CCSER1: variants seen among roughly 807,000 people sequenced by gnomAD.
The protein encoded by CCSER1 is serine-rich coiled-coil domain-containing protein 1.
Under a neutral mutation model 82.0 loss-of-function variants are expected in CCSER1, and 41 were observed. The ratio of observed to expected loss-of-function variants is 0.50; its 90% CI spans 0.39 to 0.65. The LOEUF is 0.65. CCSER1 is among the 30% of genes least tolerant of loss of function. The probability of loss-of-function intolerance (pLI) is 0.00; values close to 1 mark genes in which losing one functional copy is unlikely to be tolerated. For synonymous variants in CCSER1, 414 were observed against 383.9 expected (o/e 1.08, Z -0.92); for missense variants, 1,119 against 1,064.2 (o/e 1.05, Z -0.72).
chr4:90,541,373 CT>C (rs1776085158), intron 5 of CCSER1, among the ~76,000 whole-genome samples: 1 of 152,070 alleles, frequency 6.6e-6, no homozygotes, highest in African/African-American at 2.4e-5. Flanking sequence ...TCAAAGTCAG[CT>C]TTTCTCTGCC....
chr4:91,159,460 A>G (rs992406443), intron 10 of CCSER1, among the ~76,000 whole-genome samples: 1 of 152,004 alleles, frequency 6.6e-6, no homozygotes, highest in African/African-American at 2.4e-5. Context: ...ACAAGATGGC[A>G]TTATGTCTGT....
At chr4:90,187,080 C>T (rs906939521) in intron 1 of CCSER1, among the ~76,000 whole-genome samples, 5 of 151,868 alleles carry the variant, frequency 3.3e-5, no homozygotes, top group African/African-American at 1.2e-4. Context: ...AAAATGTTTG[C>T]ATTTTAAAAG....
At chr4:90,861,579 A>G (rs564708802) in intron 8 of CCSER1, among the ~76,000 whole-genome samples, 17 of 151,884 alleles carry the variant, frequency 1.1e-4, no homozygotes, top group African/African-American at 3.4e-4. Context: ...CTTGCTTTTA[A>G]CGAATTAGTA....
intron 10 of CCSER1, among the ~76,000 whole-genome samples, chr4:91,340,457 T>C (rs1027393846): frequency 3.3e-5 from 5 of 152,208 alleles, no homozygotes; most frequent in African/African-American, 1.2e-4. Context: ...TAGAGGCTAG[T>C]TGACAAAAAC....
intron 5 of CCSER1, among the ~76,000 whole-genome samples, chr4:90,602,248 C>G (rs1049868112): frequency 6.6e-6 from 1 of 152,014 alleles, no homozygotes; most frequent in Non-Finnish European, 1.5e-5. Flanking sequence ...ACTAACAACC[C>G]CCTTTTTCAA....
At chr4:91,320,580 T>C (rs1746128790) in intron 10 of CCSER1, among the ~76,000 whole-genome samples, 1 of 152,102 alleles carries the variant, frequency 6.6e-6, no homozygotes, top group Admixed American at 6.6e-5. Flanking sequence ...AGAAGAGTGC[T>C]GTCATTTCCT....
At chr4:91,355,858 C>T (rs113278170) in intron 10 of CCSER1, among the ~76,000 whole-genome samples, 2,984 of 152,206 alleles carry the variant, frequency 0.02, 88 homozygotes, top group African/African-American at 0.066. Flanking sequence ...GAGTCTAACA[C>T]CTCTACACAG....
chr4:90,780,687 AAG>A, intron 7 of CCSER1: 3 of 1,320,880 alleles, frequency 2.3e-6, no homozygotes, highest in Non-Finnish European at 2.9e-6. Flanking sequence ...GAGGCTCTGT[AAG>A]CAAGACAAAC....
At chr4:90,582,783 C>T (rs574953366) in intron 5 of CCSER1, among the ~76,000 whole-genome samples, 1 of 152,212 alleles carries the variant, frequency 6.6e-6, no homozygotes, top group African/African-American at 2.4e-5. Context: ...TGATGATTAC[C>T]TTCACACTTT....
At chr4:91,521,805 A>C (rs562693240) in intron 10 of CCSER1, among the ~76,000 whole-genome samples, 1 of 152,188 alleles carries the variant, frequency 6.6e-6, no homozygotes, top group Non-Finnish European at 1.5e-5. Context: ...GGCAGATTGC[A>C]AAAATTTTCT....
intron 9 of CCSER1, among the ~76,000 whole-genome samples, chr4:91,011,999 C>A (rs1231797928): frequency 7.4e-6 from 1 of 134,526 alleles, no homozygotes; most frequent in African/African-American, 2.5e-5. Context: ...AATTGTTTGA[C>A]CTTTTGGGTA....
intron 1 of CCSER1, among the ~76,000 whole-genome samples, chr4:90,268,267 TGTG>T (rs1489877205): frequency 5.9e-5 from 9 of 152,106 alleles, no homozygotes; most frequent in Admixed American, 3.9e-4. Flanking sequence ...ATGTTGTAAT[TGTG>T]GTGTGTAAAG....
At chr4:91,558,562 A>G (rs1165884542) in intron 10 of CCSER1, among the ~76,000 whole-genome samples, 6 of 151,552 alleles carry the variant, frequency 4.0e-5, no homozygotes, top group Non-Finnish European at 7.4e-5. Context: ...ATAAAGGCAT[A>G]CCTGAGACTG....
chr4:90,618,278 C>T (rs1721669835), intron 5 of CCSER1, among the ~76,000 whole-genome samples: 1 of 151,890 alleles, frequency 6.6e-6, no homozygotes, highest in Non-Finnish European at 1.5e-5. Context: ...TTAGGTATTA[C>T]CTTTATGCCA....
chr4:90,182,605 A>G (rs187203955), intron 1 of CCSER1, among the ~76,000 whole-genome samples: 4 of 152,304 alleles, frequency 2.6e-5, no homozygotes, highest in Admixed American at 2.0e-4. Context: ...ACTAATTATT[A>G]AAGCTTTTCT....
At chr4:91,213,202 A>T (rs1486869995) in intron 10 of CCSER1, among the ~76,000 whole-genome samples, 8 of 151,446 alleles carry the variant, frequency 5.3e-5, no homozygotes, top group South Asian at 2.1e-4. Flanking sequence ...CGTCAAGTGA[A>T]TTTTTTTTTA....
At chr4:91,444,781 A>T (rs1755443645) in intron 10 of CCSER1, among the ~76,000 whole-genome samples, 1 of 152,202 alleles carries the variant, frequency 6.6e-6, no homozygotes, top group African/African-American at 2.4e-5. Context: ...GACCACTGTG[A>T]GTGAAATGTC....
intron 10 of CCSER1, among the ~76,000 whole-genome samples, chr4:91,306,581 T>TTA (rs1234101480): frequency 6.6e-6 from 1 of 152,006 alleles, no homozygotes; most frequent in African/African-American, 2.4e-5. Flanking sequence ...CCTAAACACG[T>TTA]TAATTCTTTA....
At chr4:90,714,997 T>A (rs1224707645) in intron 6 of CCSER1, among the ~76,000 whole-genome samples, 1 of 151,926 alleles carries the variant, frequency 6.6e-6, no homozygotes, top group African/African-American at 2.4e-5. Flanking sequence ...TGATTCTGAA[T>A]GATTTATATT....
Sources: gnomAD v4.1 joint callset for allele counts (sites outside exome capture counted in the v4.1 genomes callset) on GRCh38, gnomAD v4.1.1 for gene constraint, MANE v1.5 for transcripts, NCBI Gene and HGNC (gene_info 2026-07-23, HGNC 2026-07-21) for gene names.